The following TNFAIP3 variants were observed in gnomAD, a reference collection of about 807,000 sequenced individuals.
The protein encoded by TNFAIP3 is tumor necrosis factor alpha-induced protein 3.
In TNFAIP3, 9 loss-of-function variants were observed where a neutral mutation model predicts 72.4. That is an observed-to-expected ratio of 0.12 (90% CI 0.07 to 0.22). TNFAIP3 has a LOEUF of 0.22. Among genes scored for constraint, TNFAIP3 ranks in the 10% least tolerant of loss-of-function variants. The pLI, the probability that TNFAIP3 is intolerant of heterozygous loss-of-function variation, is 1.00. For missense variants in TNFAIP3, 833 were observed against 1,018.7 expected, an observed-to-expected ratio of 0.82 and a Z score of 2.48; for synonymous variants, 339 against 372.6, an observed-to-expected ratio of 0.91 and a Z score of 1.04.
At chr6:137,868,890 C>T (rs754263292) in intron 1 of TNFAIP3, among the ~76,000 whole-genome samples, 1 of 152,236 alleles carries the variant, frequency 6.6e-6, no homozygotes, top group East Asian at 1.9e-4. Context: ...CTGGCGTATC[C>T]GATATTGACA....
Position 137,871,080 on chromosome 6 carries a change from G to T in TNFAIP3, c.-15-133G>T. 1.4e-6 allele frequency: 1 copy of T among 740,682 alleles called. No homozygotes were observed. Among genetic ancestry groups the T allele is most frequent in the Non-Finnish European group, 2.1e-6 (1 of 465,528 alleles). 45.9% of individuals were successfully genotyped at this position (740,682 alleles called of 1,614,324 possible). A position where few individuals can be genotyped will look rare whatever the true frequency, so the allele number is the denominator to read the frequency against. ...GCCAGCTAGTATCCCGGGAGTAGAG[G>T]TGCTAAGATCTTTTGCCTACAGATC... On this transcript the variant is annotated intron_variant, in intron 1 of 8. Coordinates refer to ENST00000612899, the MANE Select transcript of TNFAIP3 (RefSeq NM_001270508.2). This position sits in a 1 kb window ranked among gnomAD's most constrained non-coding sequence, Gnocchi z 4.2.
intron 1 of TNFAIP3, among the ~76,000 whole-genome samples, chr6:137,869,337 AGATGGATGGATG>A (rs71009567): frequency 6.5e-4 from 95 of 145,144 alleles, no homozygotes; most frequent in African/African-American, 2.3e-3. Flanking sequence ...ATGGATGGAT[AGATGGATGGATG>A]GATGGATGGA....
At chr6:137,879,390 G>C in intron 7 of TNFAIP3, 39 bp downstream of exon 7, 1 of 1,572,066 alleles carries the variant, frequency 6.4e-7, no homozygotes, top group Non-Finnish European at 8.6e-7. Context: ...AGCGGCTGCT[G>C]TCCAGAAGGG....
chr6:137,876,876 TTA>T (rs374509361), intron 5 of TNFAIP3, among the ~76,000 whole-genome samples, 198 bp from the exon 6 acceptor site: 110 of 152,342 alleles, frequency 7.2e-4, no homozygotes, highest in Middle Eastern at 3.4e-3. Flanking sequence ...CTGGTTAATG[TTA>T]TGTGAGTTTC....
At chr6:137,881,000 G>T in intron 8 of TNFAIP3, 35 bp from the exon 9 acceptor site, 1 of 1,551,740 alleles carries the variant, frequency 6.4e-7, no homozygotes, top group Non-Finnish European at 8.7e-7. Context: ...ATAGTTTCCT[G>T]ACTTTTTAAT....
Position 137,877,266 on chromosome 6 carries a change from T to A in TNFAIP3, c.986+10T>A, listed in dbSNP as rs1361722567. The A allele has an allele frequency of 6.2e-7, 1 of 1,602,334 alleles. No individual in the cohort carries two copies. On this transcript the variant is annotated intron_variant, in intron 6 of 8. Coordinates refer to ENST00000612899, the MANE Select transcript of TNFAIP3 (RefSeq NM_001270508.2). ...TCATCAATGCCGCAAAGTAAGCAGT[T>A]TATGTTCAGCTCTCTCCTGTGTCAT... is the stretch of plus-strand genomic sequence containing the variant.
chr6:137,875,654 C>T lies in TNFAIP3; in HGVS notation c.487-34C>T, dbSNP rs537289140. On this transcript the variant is annotated intron_variant, in intron 3 of 8. Coordinates refer to ENST00000612899, the MANE Select transcript of TNFAIP3 (RefSeq NM_001270508.2). ...TTTTTAGTACAGGGAGTACAGGATA[C>T]ATTCAAGCTTTTTTTTCACCCCGCT... 8.7e-6 allele frequency: 14 copies of T among 1,612,552 alleles called. No individual in the cohort carries two copies. The African/African-American group carries it at 1.2e-4, about 14-fold the overall frequency.
Position 137,877,210 on chromosome 6 carries a change from G to T in TNFAIP3, c.940G>T (p.Val314Phe). The change falls in exon 6 of 9, where the codon GTC becomes TTC. Residue 314 changes from valine to phenylalanine, a missense_variant. Val to Phe is a conservative substitution (Grantham distance 50). Transcript: ENST00000612899. ...GTACTTAATGGTGATAGAAATCCCC[G>T]TCCAAGGCTGGGACCATGGCACAAC... ...KEYLMVIEIP[V>F]QGWDHGTTHL... 1 of 1,613,720 alleles carries T rather than the reference G, an allele frequency of 6.2e-7. No individual in the cohort carries two copies. The highest frequency in any genetic ancestry group is 8.5e-7 in the Non-Finnish European group (1 of 1,179,876).
In TNFAIP3 at chr6:137,881,218, C is replaced by A. The variant is rs1776448840; in HGVS notation, c.2272C>A (p.Pro758Thr). Residue 758 changes from proline (P) to threonine (T), a missense_variant, in exon 9 of 9, where the codon CCC becomes ACC. Physicochemically the swap from Pro to Thr is conservative, Grantham distance 38 (BLOSUM62 -1). Transcript: ENST00000612899. The surrounding 1 kb of genome is among the most constrained non-coding windows in gnomAD (Gnocchi z 5.0). Reference protein sequence around the residue: ...HRGEPAPEDPPKQRCRAPACD... With the variant: ...HRGEPAPEDPTKQRCRAPACD... Reference sequence around the variant, plus strand: ...GGGTGAGCCTGCCCCCGAAGACCCCCCCAAGCAGCGTTGCCGGGCCCCCGC... The same window carrying A: ...GGGTGAGCCTGCCCCCGAAGACCCCACCAAGCAGCGTTGCCGGGCCCCCGC... 5.0e-6 allele frequency: 8 copies of A among 1,611,740 alleles called. No individual in the cohort carries two copies. The highest frequency in any genetic ancestry group is 6.8e-6 in the Non-Finnish European group (8 of 1,179,106).
chr6:137,879,448 C>A, intron 7 of TNFAIP3, 97 bp downstream of exon 7: 2 of 1,370,530 alleles, frequency 1.5e-6, no homozygotes, highest in Non-Finnish European at 2.0e-6. Context: ...GGCAGTCAGG[C>A]AGAACTGTCA....
rs775952412 is a variant in TNFAIP3, at chr6:137,878,922, G to A, written c.1477G>A (p.Gly493Arg). 2.5e-6 allele frequency: 4 copies of A among 1,614,168 alleles called. No homozygotes were observed. Among genetic ancestry groups the A allele is most frequent in the Non-Finnish European group, 3.4e-6 (4 of 1,180,030 alleles). The change falls in exon 7 of 9, where the codon GGA becomes AGA. Residue 493 changes from glycine (G) to arginine (R), a missense_variant. Gly to Arg is a moderately radical substitution (Grantham distance 125, BLOSUM62 -2). This residue lies in a region of TNFAIP3 where 587 missense variants were observed against 657.8 expected (regional missense o/e 0.89). Transcript: ENST00000612899. Reference protein sequence around the residue: ...CPFTLNVQHNGFCERCHNARQ... With the variant: ...CPFTLNVQHNRFCERCHNARQ... ...CTTCACACTGAATGTGCAGCACAACGGATTTTGTGAACGTTGCCACAACGC... is the reference window on the plus strand; with the variant it reads ...CTTCACACTGAATGTGCAGCACAACAGATTTTGTGAACGTTGCCACAACGC...
rs1776488218 is a variant in TNFAIP3, at chr6:137,882,223, G to T, written c.*904G>T. The T allele has an allele frequency of 4.3e-6, 1 of 232,216 alleles. No individual in the cohort carries two copies. Among genetic ancestry groups the T allele is most frequent in the Non-Finnish European group, 8.5e-6 (1 of 117,342 alleles). 14.4% of individuals were successfully genotyped at this position (232,216 alleles called of 1,614,324 possible). On this transcript the variant is annotated 3_prime_UTR_variant, in exon 9 of 9. Transcript: ENST00000612899. The stretch of plus-strand genomic sequence containing the variant: ...AACCTGTTTTCTGGTTGTTGTTGGG[G>T]CATGAGCTTGTGTATACACTGCTTG...
chr6:137,877,509 T>C (rs185746301), intron 6 of TNFAIP3, among the ~76,000 whole-genome samples: 2 of 152,388 alleles, frequency 1.3e-5, no homozygotes, highest in East Asian at 3.9e-4. Flanking sequence ...AAAGTCAGAA[T>C]TGCAGAATTA....
chr6:137,870,522 G>C (rs965497506), intron 1 of TNFAIP3, among the ~76,000 whole-genome samples: 1 of 152,198 alleles, frequency 6.6e-6, no homozygotes, highest in African/African-American at 2.4e-5. Flanking sequence ...GCTGGAAATG[G>C]ACTTTTTTAT....
At position 137,879,361 on chromosome 6, in the gene TNFAIP3, G is replaced by A. The variant is rs1375539834; in HGVS notation, c.1906+10G>A. On this transcript the variant is annotated intron_variant, in intron 7 of 8. Coordinates refer to ENST00000612899, the MANE Select transcript of TNFAIP3 (RefSeq NM_001270508.2). ...TACAGAGAAAACAAACGTGAGTGAA[G>A]TGGTTGACTTCCTAACACAGCGGCT... is the stretch of plus-strand genomic sequence containing the variant. The A allele has an allele frequency of 6.2e-7, 1 of 1,606,522 alleles. No individual in the cohort carries two copies. The highest frequency in any genetic ancestry group is 1.7e-5 in the Admixed American group (1 of 59,528).
rs2114516406 is a variant in TNFAIP3 at position 137,881,142 on chromosome 6, C to G, written c.2196C>G (p.Leu732=). 1 of 1,614,006 alleles carries G rather than the reference C, an allele frequency of 6.2e-7. No homozygotes were observed. Among genetic ancestry groups the G allele is most frequent in the Non-Finnish European group, 8.5e-7 (1 of 1,180,004 alleles). ...KNILACRSEE[L]CMECQHPNQR... ...TCCTGGCCTGCCGCAGCGAGGAGCTCTGCATGGAGTGTCAGCATCCCAACC... is the reference window on the plus strand; with the variant it reads ...TCCTGGCCTGCCGCAGCGAGGAGCTGTGCATGGAGTGTCAGCATCCCAACC... Residue 732 remains leucine (L), a synonymous_variant, in exon 9 of 9, where the codon CTC becomes CTG. Coordinates refer to ENST00000612899, the MANE Select transcript of TNFAIP3 (RefSeq NM_001270508.2). This position sits in a 1 kb window ranked among gnomAD's most constrained non-coding sequence, Gnocchi z 5.0.
rs200595071 is a variant in TNFAIP3, at chr6:137,878,549, C to T, written c.1104C>T (p.His368=). 3.5e-5 allele frequency: 56 copies of T among 1,614,224 alleles called. No individual in the cohort carries two copies. The East Asian group carries it at 4.5e-4, about 13-fold the overall frequency. ...GCGAGCAGGGGAGGAGAGAGGGGCACGCCCAGAATCCCATGGAACCTTCCG... is the reference window on the plus strand; with the variant it reads ...GCGAGCAGGGGAGGAGAGAGGGGCATGCCCAGAATCCCATGGAACCTTCCG... ...ENSEQGRREG[H]AQNPMEPSVP... Residue 368 remains histidine (H), a synonymous_variant, in exon 7 of 9, where the codon CAC becomes CAT. Coordinates refer to ENST00000612899, the MANE Select transcript of TNFAIP3 (RefSeq NM_001270508.2).
chr6:137,875,540 G>T (rs1330428517), intron 3 of TNFAIP3, 148 bp from the exon 4 acceptor site: 5 of 1,074,626 alleles, frequency 4.7e-6, no homozygotes, highest in South Asian at 3.5e-5. Flanking sequence ...GGGGAAAAAA[G>T]GGTGATCATT....
chr6:137,881,647 C>G lies in TNFAIP3; in HGVS notation c.*328C>G, dbSNP rs146885399. On this transcript the variant is annotated 3_prime_UTR_variant, in exon 9 of 9. Transcript: ENST00000612899. This position sits in a 1 kb window ranked among gnomAD's most constrained non-coding sequence, Gnocchi z 5.0. ...CGGGGACTGGCCGAGGCCCCTGCAC[C>G]CTGCGCATCAGGACTGCTTCATCGT... 28 of 306,518 alleles carry G rather than the reference C, an allele frequency of 9.1e-5. No homozygotes were observed. Among genetic ancestry groups the G allele is most frequent in the African/African-American group, 5.7e-4 (27 of 47,444 alleles). The allele number at this position is 306,518 out of a possible 1,614,324, so 19.0% of individuals were successfully genotyped here. A position where few individuals can be genotyped will look rare whatever the true frequency, so the allele number is the denominator to read the frequency against.
Sources: gnomAD v4.1 joint callset for allele counts (sites outside exome capture counted in the v4.1 genomes callset) on GRCh38, gnomAD v4.1.1 for gene constraint, gnomAD v4.1.1 regional missense constraint, Gnocchi (gnomAD v3.1) non-coding constraint, MANE v1.5 for transcripts, NCBI Gene and HGNC (gene_info 2026-07-23, HGNC 2026-07-21) for gene names.